ZNF804B: variants seen among roughly 807,000 people sequenced by gnomAD.
The protein encoded by ZNF804B is zinc finger protein 804B, also known as zinc finger 804B.
In ZNF804B, 80 loss-of-function variants were observed where a neutral mutation model predicts 101.4. That is an observed-to-expected ratio of 0.79 (90% confidence interval 0.66 to 0.95). ZNF804B has a LOEUF of 0.95. Among genes scored for constraint, ZNF804B ranks in the 40% least tolerant of loss-of-function variants. ZNF804B has a pLI of 0.00. For missense variants in ZNF804B, 1,673 were observed against 1,561.9 expected (o/e 1.07, Z -1.20); for synonymous variants, 622 against 558.8 (o/e 1.11, Z -1.59).
intron 1 of ZNF804B, among the ~76,000 whole-genome samples, chr7:89,131,405 T>C (rs1206504352): frequency 6.6e-6 from 1 of 151,954 alleles, no homozygotes; most frequent in Non-Finnish European, 1.5e-5. Context: ...TTGCCAGCCT[T>C]CATAGGCAAC....
intron 1 of ZNF804B, among the ~76,000 whole-genome samples, chr7:89,016,252 A>G (rs1355915618): frequency 6.6e-6 from 1 of 151,954 alleles, no homozygotes; most frequent in Admixed American, 6.6e-5. Context: ...TTGTCAGATG[A>G]GTAGGTTGCA....
chr7:89,298,831 G>T (rs1193180502), intron 2 of ZNF804B, among the ~76,000 whole-genome samples: 1 of 151,690 alleles, frequency 6.6e-6, no homozygotes. Flanking sequence ...TTTCAAAGTG[G>T]TTGATCCATA....
chr7:89,332,656 A>G (rs1187059390), intron 3 of ZNF804B, among the ~76,000 whole-genome samples: 1 of 151,936 alleles, frequency 6.6e-6, no homozygotes, highest in Non-Finnish European at 1.5e-5. Flanking sequence ...GCTCAGTAGA[A>G]CAAATAACCT....
intron 2 of ZNF804B, among the ~76,000 whole-genome samples, chr7:89,311,676 G>A (rs1359998326): frequency 1.3e-5 from 2 of 152,060 alleles, no homozygotes; most frequent in African/African-American, 4.8e-5. Context: ...CTATGAACAT[G>A]GCAATTAAAA....
chr7:88,966,449 C>T (rs1443823573), intron 1 of ZNF804B, among the ~76,000 whole-genome samples: 1 of 151,412 alleles, frequency 6.6e-6, no homozygotes, highest in Non-Finnish European at 1.5e-5. Flanking sequence ...GAACTGATGC[C>T]AAGTATGACC....
intron 1 of ZNF804B, among the ~76,000 whole-genome samples, chr7:89,101,716 ATTTG>A (rs1203589666): frequency 6.6e-6 from 1 of 151,904 alleles, no homozygotes; most frequent in Non-Finnish European, 1.5e-5. Context: ...GTATTCATTT[ATTTG>A]TTTTAGATTC....
At chr7:88,763,126 T>A (rs575474053) in intron 1 of ZNF804B, among the ~76,000 whole-genome samples, 3 of 152,304 alleles carry the variant, frequency 2.0e-5, no homozygotes, top group African/African-American at 4.8e-5. Flanking sequence ...CCTATAGACA[T>A]AATTCTTCAA....
At chr7:88,807,693 T>C (rs1038535856) in intron 1 of ZNF804B, among the ~76,000 whole-genome samples, 1 of 152,150 alleles carries the variant, frequency 6.6e-6, no homozygotes, top group African/African-American at 2.4e-5. Context: ...AGCTATACAA[T>C]ACAAAAGGTC....
At chr7:89,289,092 TA>T (rs1790248620) in intron 2 of ZNF804B, among the ~76,000 whole-genome samples, 1 of 151,960 alleles carries the variant, frequency 6.6e-6, no homozygotes, top group South Asian at 2.1e-4. Context: ...AGACACAAAT[TA>T]AAAGAAAATA....
intron 1 of ZNF804B, among the ~76,000 whole-genome samples, chr7:89,171,677 C>A (rs552869244): frequency 8.6e-5 from 13 of 151,962 alleles, no homozygotes; most frequent in African/African-American, 3.1e-4. Flanking sequence ...TCAAGTGATC[C>A]GCCTGCCTTG....
intron 1 of ZNF804B, among the ~76,000 whole-genome samples, chr7:88,925,083 A>G (rs1012214930): frequency 5.3e-5 from 8 of 152,152 alleles, no homozygotes; most frequent in African/African-American, 1.9e-4. Flanking sequence ...GGCACTACTC[A>G]GTATTCTCAA....
At chr7:88,988,512 T>C (rs967748021) in intron 1 of ZNF804B, among the ~76,000 whole-genome samples, 1 of 152,136 alleles carries the variant, frequency 6.6e-6, no homozygotes, top group African/African-American at 2.4e-5. Context: ...ATAACAACTA[T>C]TGCAAATGCT....
chr7:89,187,841 G>A (rs1220724053), intron 1 of ZNF804B, among the ~76,000 whole-genome samples: 1 of 152,124 alleles, frequency 6.6e-6, no homozygotes. Flanking sequence ...CTGTGTTAGA[G>A]TTCAAAAGAA....
intron 1 of ZNF804B, among the ~76,000 whole-genome samples, chr7:88,826,634 AAGCATCTTTATTTTAT>A (rs36048520): frequency 0.46 from 69,426 of 151,740 alleles, 16,782 homozygotes; most frequent in East Asian, 0.81. Flanking sequence ...GTGAATTCCA[AAGCATCTTTATTTTAT>A]AGCAGTATTT....
chr7:89,335,465 G>T lies in ZNF804B; in HGVS notation c.2483G>T (p.Cys828Phe). Reference sequence around the variant, plus strand: ...CTAAAATCTACGAGAATCATCTATTGTGATTCTAACTCACAGATTTCCTGT... The same window carrying T: ...CTAAAATCTACGAGAATCATCTATTTTGATTCTAACTCACAGATTTCCTGT... ...SGLKSTRIIY[C>F]DSNSQISCTG... The change falls in exon 4 of 4, where the codon TGT becomes TTT. Residue 828 changes from cysteine to phenylalanine, a missense_variant. By Grantham distance (205) the Cys-to-Phe change is radical. Transcript: ENST00000333190. 6.2e-7 allele frequency: 1 copy of T among 1,613,960 alleles called. No homozygotes were observed. The highest frequency in any genetic ancestry group is 8.5e-7 in the Non-Finnish European group (1 of 1,179,962).
At chr7:88,891,346 A>C (rs1792210913) in intron 1 of ZNF804B, among the ~76,000 whole-genome samples, 1 of 152,086 alleles carries the variant, frequency 6.6e-6, no homozygotes, top group South Asian at 2.1e-4. Context: ...TATTTCTAAC[A>C]AATATTTTAA....
intron 1 of ZNF804B, among the ~76,000 whole-genome samples, chr7:88,892,347 G>A (rs1470821504): frequency 1.3e-5 from 2 of 152,194 alleles, no homozygotes; most frequent in Middle Eastern, 3.4e-3. Flanking sequence ...AAGGGTTTGT[G>A]TCTATCTGTA....
intron 1 of ZNF804B, among the ~76,000 whole-genome samples, chr7:89,137,066 CCT>C (rs1265083705): frequency 1.3e-5 from 2 of 151,910 alleles, no homozygotes; most frequent in African/African-American, 4.8e-5. Flanking sequence ...TCCAATTAAA[CCT>C]CTTTCTTTCT....
At chr7:89,157,693 A>T (rs368376167) in intron 1 of ZNF804B, among the ~76,000 whole-genome samples, 1 of 152,162 alleles carries the variant, frequency 6.6e-6, no homozygotes, top group African/African-American at 2.4e-5. Context: ...GTAAGTACAC[A>T]TCCAAATCTT....
Sources: allele counts gnomAD v4.1 joint callset (sites outside exome capture counted in the v4.1 genomes callset), GRCh38; gene constraint gnomAD v4.1.1; transcripts MANE v1.5; gene names NCBI Gene and HGNC (gene_info 2026-07-23, HGNC 2026-07-21).